TFPI: variants seen among roughly 807,000 people sequenced by gnomAD.
The protein encoded by TFPI is tissue factor pathway inhibitor.
A neutral mutation model predicts 34.6 loss-of-function variants in TFPI; 15 were observed. The observed-to-expected ratio is 0.43, with a 90% CI of 0.29 to 0.67. The LOEUF is 0.67. TFPI is among the 30% of genes least tolerant of loss of function. The pLI is 0.15. For synonymous variants in TFPI, 105 were observed against 120.1 expected (o/e 0.87, Z 0.82); for missense variants, 301 against 364.0 (o/e 0.83, Z 1.41).
intron 1 of TFPI, among the ~76,000 whole-genome samples, chr2:187,536,104 C>CA (rs894181460): frequency 2.0e-5 from 3 of 151,908 alleles, no homozygotes; most frequent in African/African-American, 4.8e-5. Context: ...GAATACCAAC[C>CA]AAAAAAAGCC....
At chr2:187,504,576 AAAAAG>A (rs1232146863) in intron 1 of TFPI, among the ~76,000 whole-genome samples, 2 of 151,994 alleles carry the variant, frequency 1.3e-5, no homozygotes, top group Non-Finnish European at 2.9e-5. Context: ...GAAAAAAAAA[AAAAAG>A]AAAAGAAAGA....
At chr2:187,506,038 G>T (rs147762780) in intron 1 of TFPI, among the ~76,000 whole-genome samples, 1 of 151,824 alleles carries the variant, frequency 6.6e-6, no homozygotes, top group African/African-American at 2.4e-5. Flanking sequence ...TACATGAATT[G>T]CAGGAGGAAT....
At position 187,478,893 on chromosome 2, in the gene TFPI, A is replaced by C. The variant is rs559141356; in HGVS notation, c.628+5231T>G. ...AATGCTGAGGGTGGGGGAAGTCTAT[A>C]AACTGTATAGTACATTATGTTTTTC... is the stretch of plus-strand genomic sequence containing the variant. On this transcript the variant is annotated intron_variant, in intron 6 of 7. Coordinates refer to ENST00000233156, the MANE Select transcript of TFPI (RefSeq NM_006287.6). 2.3e-5 allele frequency: 24 copies of C among 1,047,224 alleles called. No individual in the cohort carries two copies. The Admixed American group carries it at 4.1e-4, about 18-fold the overall frequency. The allele number at this position is 1,047,224 out of a possible 1,614,324, so 64.9% of individuals were successfully genotyped here. A position where few individuals can be genotyped will look rare whatever the true frequency, so the allele number is the denominator to read the frequency against.
chr2:187,536,337 A>G (rs1469991253), intron 1 of TFPI, among the ~76,000 whole-genome samples: 1 of 152,228 alleles, frequency 6.6e-6, no homozygotes, highest in Non-Finnish European at 1.5e-5. Flanking sequence ...AATCCTCAAT[A>G]AAATACTGGC....
chr2:187,510,630 G>A (rs956195101), intron 1 of TFPI, among the ~76,000 whole-genome samples: 12 of 152,122 alleles, frequency 7.9e-5, no homozygotes, highest in Admixed American at 4.6e-4. Context: ...GTTAAAGATC[G>A]ACCCCTGACC....
intron 6 of TFPI, chr2:187,478,841 C>T (rs748485798): frequency 2.6e-6 from 4 of 1,546,210 alleles, no homozygotes; most frequent in Non-Finnish European, 3.6e-6. Flanking sequence ...AAATGTGAGT[C>T]ATCTTTATAT....
At chr2:187,508,578 A>T (rs1309972497) in intron 1 of TFPI, among the ~76,000 whole-genome samples, 1 of 152,048 alleles carries the variant, frequency 6.6e-6, no homozygotes, top group Non-Finnish European at 1.5e-5. Context: ...GCAATTGTGA[A>T]TGGGAGTTCA....
intron 1 of TFPI, among the ~76,000 whole-genome samples, chr2:187,551,870 TA>T (rs1280050430): frequency 6.6e-6 from 1 of 152,158 alleles, no homozygotes; most frequent in African/African-American, 2.4e-5. Context: ...ATTTAATTCC[TA>T]AAATGAGTTA....
chr2:187,500,915 C>T (rs1330837229), intron 2 of TFPI, among the ~76,000 whole-genome samples: 1 of 152,176 alleles, frequency 6.6e-6, no homozygotes, highest in Non-Finnish European at 1.5e-5. Context: ...GCGTCAAGCA[C>T]TGTGCTGTCA....
rs533178745 is a variant in TFPI at position 187,541,377 on chromosome 2, A to G, written c.-3+12823T>C. Among the ~76,000 whole-genome samples, 12 of 152,318 alleles carry G rather than the reference A, an allele frequency of 7.9e-5. No homozygotes were observed. The East Asian group carries it at 2.3e-3, about 29-fold the overall frequency. On this transcript the variant is annotated intron_variant, in intron 1 of 7. Transcript: ENST00000233156. ...CAAGGCCACCTACAGTGAGCATCTG[A>G]CTTTAGCAAAGGAGTCAATTGATGG... is the stretch of plus-strand genomic sequence containing the variant.
At chr2:187,486,240 A>T (rs920543386) in intron 4 of TFPI, among the ~76,000 whole-genome samples, 2 of 151,618 alleles carry the variant, frequency 1.3e-5, no homozygotes, top group African/African-American at 4.8e-5. Flanking sequence ...CAATTCTTTA[A>T]AATGTTATAA....
At chr2:187,547,667 A>C (rs2106327703) in intron 1 of TFPI, 1 of 152,286 alleles carries the variant, frequency 6.6e-6, no homozygotes, top group South Asian at 2.1e-4. Context: ...AACAGAAGAA[A>C]ACCCATGAAG....
At chr2:187,474,986 T>C (rs7560059) in intron 6 of TFPI, among the ~76,000 whole-genome samples, 1,760 of 152,286 alleles carry the variant, frequency 0.012, 40 homozygotes, top group African/African-American at 0.039. Context: ...GTTTAATGAA[T>C]GTAAAATGTT....
intron 1 of TFPI, among the ~76,000 whole-genome samples, chr2:187,552,661 T>C (rs1466387952): frequency 6.6e-6 from 1 of 151,902 alleles, no homozygotes; most frequent in Non-Finnish European, 1.5e-5. Context: ...TTTGATTTAG[T>C]CATTGGTGGT....
chr2:187,484,101 A>G (rs1693074377), intron 6 of TFPI, 23 bp downstream of exon 6: 2 of 1,599,768 alleles, frequency 1.3e-6, no homozygotes, highest in South Asian at 1.1e-5. Context: ...TCCTGGAAGC[A>G]ATAAAATCCA....
intron 4 of TFPI, among the ~76,000 whole-genome samples, chr2:187,485,500 G>A (rs762462798): frequency 3.3e-5 from 5 of 151,656 alleles, no homozygotes; most frequent in Non-Finnish European, 5.9e-5. Context: ...AGAAGTTCCT[G>A]AATTCTTATG....
chr2:187,479,848 A>G (rs1045191751), intron 6 of TFPI, among the ~76,000 whole-genome samples: 1 of 151,808 alleles, frequency 6.6e-6, no homozygotes, highest in African/African-American at 2.4e-5. Context: ...ACATTTCATA[A>G]AAAGCAATGA....
chr2:187,482,453 G>C (rs935419644), intron 6 of TFPI, among the ~76,000 whole-genome samples: 1 of 151,992 alleles, frequency 6.6e-6, no homozygotes, highest in Admixed American at 6.6e-5. Context: ...AATCACAAAA[G>C]TATTAATTTT....
intron 1 of TFPI, among the ~76,000 whole-genome samples, chr2:187,540,086 A>G (rs941161187): frequency 3.3e-5 from 5 of 151,854 alleles, no homozygotes; most frequent in Admixed American, 6.6e-5. Context: ...GTATTTTAGT[A>G]TAGACGGGGT....
Sources: gnomAD v4.1 joint callset for allele counts (sites outside exome capture counted in the v4.1 genomes callset) on GRCh38, gnomAD v4.1.1 for gene constraint, MANE v1.5 for transcripts, NCBI Gene and HGNC (gene_info 2026-07-23, HGNC 2026-07-21) for gene names.